The following FTO variants were observed in gnomAD, a reference collection of about 807,000 sequenced individuals.
FTO encodes alpha-ketoglutarate-dependent dioxygenase FTO.
A neutral mutation model predicts 63.9 loss-of-function variants in FTO; 47 were observed. That is an observed-to-expected ratio of 0.74 (90% confidence interval 0.58 to 0.94). The LOEUF (loss-of-function observed/expected upper bound fraction) is 0.94, where lower values mean the gene tolerates loss of function less well. FTO is among the 40% of genes least tolerant of loss of function. The pLI, the probability that FTO is intolerant of heterozygous loss-of-function variation, is 0.00. For missense variants in FTO, 562 were observed against 618.1 expected, an observed-to-expected ratio of 0.91 and a Z score of 0.96; for synonymous variants, 207 against 224.4, an observed-to-expected ratio of 0.92 and a Z score of 0.69.
intron 8 of FTO, chr16:54,063,696 T>TTC (rs1427793126): frequency 3.4e-5 from 5 of 147,446 alleles, no homozygotes; most frequent in African/African-American, 9.9e-5. Flanking sequence ...ACTCTTTTCT[T>TTC]TTTTTTTTTT....
chr16:54,018,216 T>A (rs2084497290), intron 8 of FTO, among the ~76,000 whole-genome samples: 2 of 152,222 alleles, frequency 1.3e-5, no homozygotes, highest in African/African-American at 4.8e-5. Context: ...AAATACTTGG[T>A]CAAAATTTAT....
intron 8 of FTO, among the ~76,000 whole-genome samples, chr16:53,952,105 C>T (rs745774079): frequency 4.6e-5 from 7 of 152,088 alleles, no homozygotes; most frequent in Non-Finnish European, 1.0e-4. Context: ...TTACTTACTC[C>T]TCACACCAAC....
chr16:53,777,954 T>C (rs1179994669), intron 1 of FTO, among the ~76,000 whole-genome samples: 1 of 152,198 alleles, frequency 6.6e-6, no homozygotes, highest in Non-Finnish European at 1.5e-5. Context: ...ATCACACATG[T>C]ACTTTTGTTT....
intron 4 of FTO, among the ~76,000 whole-genome samples, chr16:53,850,458 A>T (rs1020364724): frequency 5.2e-4 from 79 of 151,598 alleles, no homozygotes; most frequent in African/African-American, 1.8e-3. Context: ...GATTTTTTTT[A>T]AATTTTTATT....
At chr16:53,940,109 C>G (rs943185470) in intron 8 of FTO, among the ~76,000 whole-genome samples, 1 of 151,990 alleles carries the variant, frequency 6.6e-6, no homozygotes, top group African/African-American at 2.4e-5. Flanking sequence ...ATGTTCCCAC[C>G]AAGAACGCAC....
At chr16:53,886,624 T>C (rs1291530322) in intron 6 of FTO, among the ~76,000 whole-genome samples, 1 of 152,208 alleles carries the variant, frequency 6.6e-6, no homozygotes, top group Non-Finnish European at 1.5e-5. Context: ...ATTCCTTTTT[T>C]GTTTTGTTTT....
At chr16:53,969,455 T>G (rs915808043) in intron 8 of FTO, among the ~76,000 whole-genome samples, 5 of 151,762 alleles carry the variant, frequency 3.3e-5, no homozygotes, top group Non-Finnish European at 5.9e-5. Flanking sequence ...GCTTATTTTT[T>G]GGGGGGGGCT....
At chr16:54,050,870 GATTT>G (rs2085295526) in intron 8 of FTO, among the ~76,000 whole-genome samples, 1 of 151,944 alleles carries the variant, frequency 6.6e-6, no homozygotes, top group African/African-American at 2.4e-5. Context: ...TTAACTTTCT[GATTT>G]ATTTGCTAGA....
intron 7 of FTO, among the ~76,000 whole-genome samples, chr16:53,890,829 T>A (rs1232213476): frequency 2.0e-5 from 3 of 152,122 alleles, no homozygotes; most frequent in Non-Finnish European, 4.4e-5. Context: ...AGGGCAACAT[T>A]TTTTCCCCCT....
intron 4 of FTO, among the ~76,000 whole-genome samples, chr16:53,867,529 T>G (rs201301757): frequency 5.9e-4 from 79 of 133,108 alleles, no homozygotes; most frequent in Middle Eastern, 3.8e-3. Flanking sequence ...GTGTGTGTGT[T>G]TGTGTGTACC....
At chr16:53,985,999 C>G (rs2083658122) in intron 8 of FTO, among the ~76,000 whole-genome samples, 1 of 152,144 alleles carries the variant, frequency 6.6e-6, no homozygotes, top group African/African-American at 2.4e-5. Context: ...GGATTTAAGT[C>G]CTTTATTTTC....
chr16:54,094,048 A>G (rs1271864389), intron 8 of FTO, among the ~76,000 whole-genome samples: 2 of 152,060 alleles, frequency 1.3e-5, no homozygotes, highest in Admixed American at 6.6e-5. Context: ...GGAGAATGAG[A>G]TCACCCCCAG....
chr16:53,825,605 C>T (rs1304446972), intron 2 of FTO, among the ~76,000 whole-genome samples: 2 of 152,018 alleles, frequency 1.3e-5, no homozygotes, highest in Non-Finnish European at 2.9e-5. Flanking sequence ...TGTATCAGGA[C>T]ACACATTATT....
intron 3 of FTO, among the ~76,000 whole-genome samples, chr16:53,841,616 A>T (rs1412109665): frequency 1.3e-5 from 2 of 152,246 alleles, no homozygotes; most frequent in African/African-American, 4.8e-5. Flanking sequence ...GTGAATGAAT[A>T]GTTACAAAGG....
intron 1 of FTO, among the ~76,000 whole-genome samples, chr16:53,739,404 T>C (rs1309211618): frequency 5.3e-5 from 8 of 149,968 alleles, no homozygotes; most frequent in South Asian, 2.1e-4. Context: ...TTAGTAGAGA[T>C]GGGGTTTTAC....
At chr16:53,899,706 G>C (rs2081355958) in intron 7 of FTO, among the ~76,000 whole-genome samples, 1 of 152,100 alleles carries the variant, frequency 6.6e-6, no homozygotes, top group African/African-American at 2.4e-5. Flanking sequence ...GTACAGCTTG[G>C]AACCAAGAAA....
chr16:53,820,262 G>A lies in FTO; in HGVS notation c.124-5602G>A, dbSNP rs140704589. 7.8e-3 allele frequency among the ~76,000 whole-genome samples: 1,191 copies of A among 152,118 alleles called. 20 individuals are homozygous for A. Among genetic ancestry groups the A allele is most frequent in the African/African-American group, 0.027 (1,117 of 41,504 alleles). ...GACATCAGATGATCCAGCTGCCTCG[G>A]CCTCCCAAAGTGCTGGGATTACAGG... On this transcript the variant is annotated intron_variant, in intron 2 of 8. Coordinates refer to ENST00000471389, the MANE Select transcript of FTO (RefSeq NM_001080432.3).
intron 1 of FTO, among the ~76,000 whole-genome samples, chr16:53,730,325 T>C (rs2076243069): frequency 2.0e-5 from 3 of 152,314 alleles, no homozygotes; most frequent in South Asian, 4.1e-4. Flanking sequence ...GCTTTTTTTT[T>C]CTATAATCCA....
chr16:53,895,806 C>T (rs2081265982), intron 7 of FTO, among the ~76,000 whole-genome samples: 1 of 152,096 alleles, frequency 6.6e-6, no homozygotes, highest in Admixed American at 6.5e-5. Context: ...ATAGGAACAA[C>T]ACTAAAAATG....
Sources: allele counts gnomAD v4.1 joint callset (sites outside exome capture counted in the v4.1 genomes callset), GRCh38; gene constraint gnomAD v4.1.1; transcripts MANE v1.5; gene names NCBI Gene and HGNC (gene_info 2026-07-23, HGNC 2026-07-21).